KMT2A: variants seen among roughly 807,000 people sequenced by gnomAD.
KMT2A encodes the protein lysine methyltransferase 2A, also known as histone-lysine N-methyltransferase 2A.
KMT2A carries 16 observed loss-of-function variants against 345.3 expected under a neutral mutation model. That is an observed-to-expected ratio of 0.05 (90% CI 0.03 to 0.07). KMT2A has a LOEUF of 0.07. Ranked by LOEUF, KMT2A falls within the 10% of genes least tolerant of loss-of-function variation. The pLI, the probability that KMT2A is intolerant of heterozygous loss-of-function variation, is 1.00. For synonymous variants in KMT2A, 1,599 were observed against 1,778.6 expected (o/e 0.90, Z 2.54); for missense variants, 3,272 against 4,841.6 (o/e 0.68, Z 9.62).
intron 2 of KMT2A, among the ~76,000 whole-genome samples, chr11:118,470,503 G>A (rs1949925688): frequency 6.6e-6 from 1 of 152,122 alleles, no homozygotes; most frequent in African/African-American, 2.4e-5. Context: ...ATGAGACATG[G>A]TTTCTCTGCT....
intron 1 of KMT2A, among the ~76,000 whole-genome samples, chr11:118,441,390 A>G: frequency 6.6e-6 from 1 of 152,166 alleles, no homozygotes; most frequent in East Asian, 1.9e-4. Context: ...ACTTTGGGGA[A>G]GTTGACCAGT....
In KMT2A at chr11:118,526,574, TAGAGAAAAAG is replaced by T. The variant is rs1405938834; in HGVS notation, c.*4406_*4415del. The T allele has an allele frequency of 2.2e-4, 51 of 229,160 alleles. No individual in the cohort carries two copies. Among genetic ancestry groups the T allele is most frequent in the Non-Finnish European group, 4.1e-4 (48 of 116,412 alleles). The allele number at this position is 229,160 out of a possible 1,614,324, so 14.2% of individuals were successfully genotyped here. On this transcript the variant is annotated 3_prime_UTR_variant, in exon 36 of 36. Coordinates refer to ENST00000534358, the MANE Select transcript of KMT2A (RefSeq NM_001197104.2). ...CCTTGTGTTCTTCCAAGCTTCTGGT[TAGAGAAAAAG>T]AGAAAAAAAAAAAAGGAAAATGTGT...
intron 1 of KMT2A, among the ~76,000 whole-genome samples, chr11:118,446,231 C>CCCAG (rs1210805854): frequency 4.6e-5 from 7 of 152,040 alleles, no homozygotes. Context: ...CACCTGCAAT[C>CCCAG]CCAGCTACTT....
Position 118,493,191 on chromosome 11 carries a change from A to T in KMT2A, c.5139A>T (p.Gly1713=). 1.2e-6 allele frequency: 2 copies of T among 1,614,132 alleles called. No individual in the cohort carries two copies. Among genetic ancestry groups the T allele is most frequent in the Non-Finnish European group, 1.7e-6 (2 of 1,179,988 alleles). The change falls in exon 16 of 36, where the codon GGA becomes GGT. Residue 1713 remains glycine, a synonymous_variant. Coordinates refer to ENST00000534358, the MANE Select transcript of KMT2A (RefSeq NM_001197104.2). The surrounding 1 kb of genome is among the most constrained non-coding windows in gnomAD (Gnocchi z 5.8). ...QDDQQPLDLE[G]VKRKMDQGNY... ...ATCAGCAGCCTTTAGATCTAGAAGG[A>T]GTCAAGAGGAAGATGGACCAAGGGA...
At chr11:118,514,968 C>T (rs1188621035) in intron 31 of KMT2A, among the ~76,000 whole-genome samples, 2 of 151,708 alleles carry the variant, frequency 1.3e-5, no homozygotes, top group Non-Finnish European at 2.9e-5. Context: ...GGGGTTTCAC[C>T]GTGCTGGTCA....
intron 1 of KMT2A, among the ~76,000 whole-genome samples, chr11:118,461,343 T>C (rs1949739340): frequency 6.6e-6 from 1 of 152,156 alleles, no homozygotes; most frequent in South Asian, 2.1e-4. Context: ...CAGAAAGAAA[T>C]TCTACATGTT....
chr11:118,457,322 C>T (rs934389007), intron 1 of KMT2A, among the ~76,000 whole-genome samples: 1 of 127,352 alleles, frequency 7.9e-6, no homozygotes, highest in Non-Finnish European at 1.5e-5. Flanking sequence ...GGCTGGAGTG[C>T]AGTGGCATGA....
At chr11:118,509,511 G>A (rs548698736) in intron 29 of KMT2A, among the ~76,000 whole-genome samples, 2 of 152,084 alleles carry the variant, frequency 1.3e-5, no homozygotes, top group African/African-American at 4.8e-5. Flanking sequence ...CTTTTTAGTT[G>A]TTACTAAAGA....
Position 118,470,521 on chromosome 11 carries a change from A to C in KMT2A, c.503-1141A>C, listed in dbSNP as rs1316594922. 2.6e-5 allele frequency among the ~76,000 whole-genome samples: 4 copies of C among 152,078 alleles called. No individual in the cohort carries two copies. The East Asian group carries it at 7.7e-4, about 29-fold the overall frequency. On this transcript the variant is annotated intron_variant, in intron 2 of 35. Coordinates refer to ENST00000534358, the MANE Select transcript of KMT2A (RefSeq NM_001197104.2). ...AGACATGGTTTCTCTGCTGTCTCCTAGTTTATTACCTTTGTTGTAATTAGG... is the reference window on the plus strand; with the variant it reads ...AGACATGGTTTCTCTGCTGTCTCCTCGTTTATTACCTTTGTTGTAATTAGG...
intron 1 of KMT2A, among the ~76,000 whole-genome samples, chr11:118,439,925 CTT>C (rs782040203): frequency 3.1e-4 from 44 of 139,726 alleles, no homozygotes; most frequent in Non-Finnish European, 3.1e-4. Context: ...GAAGCAAGCA[CTT>C]TTTTTTTTTT....
rs1399423860 is a variant in KMT2A at position 118,524,894 on chromosome 11, C to T, written c.*2722C>T. 2 of 194,570 alleles carry T rather than the reference C, an allele frequency of 1.0e-5. No homozygotes were observed. Among genetic ancestry groups the T allele is most frequent in the Admixed American group, 6.1e-5 (1 of 16,322 alleles). 12.1% of individuals were successfully genotyped at this position (194,570 alleles called of 1,614,324 possible). On this transcript the variant is annotated 3_prime_UTR_variant, in exon 36 of 36. Coordinates refer to ENST00000534358, the MANE Select transcript of KMT2A (RefSeq NM_001197104.2). ...AGCCCCTCCTCACTCTCTACCAACC[C>T]TAAACCCTGAGGACAGGGGAGGAAC...
In KMT2A at chr11:118,521,505, TA is replaced by T. The variant is rs1950968277; in HGVS notation, c.11643+89del. On this transcript the variant is annotated intron_variant, in intron 35 of 35. Coordinates refer to ENST00000534358, the MANE Select transcript of KMT2A (RefSeq NM_001197104.2). The surrounding 1 kb of genome is among the most constrained non-coding windows in gnomAD (Gnocchi z 5.3). ...CCCCTGGATCACAAAAGAAATAGTG[TA>T]TGTTATCAATTCAGAGACCTTTCTT... 1.0e-5 allele frequency: 15 copies of T among 1,459,048 alleles called. No individual in the cohort carries two copies. The highest frequency in any genetic ancestry group is 1.4e-5 in the Non-Finnish European group (15 of 1,070,276). 90.4% of individuals were successfully genotyped at this position (1,459,048 alleles called of 1,614,324 possible).
rs1417426588 is a variant in KMT2A, at chr11:118,521,798, T to C, written c.11644-99T>C. On this transcript the variant is annotated intron_variant, in intron 35 of 35. Coordinates refer to ENST00000534358, the MANE Select transcript of KMT2A (RefSeq NM_001197104.2). This position sits in a 1 kb window ranked among gnomAD's most constrained non-coding sequence, Gnocchi z 5.3. Reference sequence around the variant, plus strand: ...GGAAATTTTACTAGAAGAAACTTTCTCAGCCGCTATAGGTAACATCAAGAG... The same window carrying C: ...GGAAATTTTACTAGAAGAAACTTTCCCAGCCGCTATAGGTAACATCAAGAG... The C allele has an allele frequency of 4.7e-6, 6 of 1,289,064 alleles. No individual in the cohort carries two copies. The highest frequency in any genetic ancestry group is 1.5e-5 in the African/African-American group (1 of 67,554). The allele number at this position is 1,289,064 out of a possible 1,614,324, so 79.9% of individuals were successfully genotyped here.
At chr11:118,509,872 T>C in intron 29 of KMT2A, 76 bp from the exon 30 acceptor site, 2 of 1,057,612 alleles carry the variant, frequency 1.9e-6, no homozygotes, top group Non-Finnish European at 2.7e-6. Context: ...AGATCATTTA[T>C]GTAAAGTACT....
rs1555046173 is a variant in KMT2A at position 118,502,722 on chromosome 11, G to A, written c.6830G>A (p.Gly2277Asp). ...TTGCAAAGGACAGTGGTTACTGTAG[G>A]CAATAAAAACAGTCACTTGGATGGA... ...SNLQRTVVTV[G>D]NKNSHLDGSS... The change falls in exon 27 of 36, where the codon GGC (glycine) becomes GAC (aspartate). Residue 2277 changes from glycine (G) to aspartate (D), a missense_variant. By Grantham distance (94) the Gly-to-Asp change is moderately conservative. Around this residue, in one of 27 missense-constraint regions of KMT2A, gnomAD observed 445 missense variants for 500.9 expected, o/e 0.89. Transcript: ENST00000534358. This position sits in a 1 kb window ranked among gnomAD's most constrained non-coding sequence, Gnocchi z 4.9. 3 of 1,613,984 alleles carry A rather than the reference G, an allele frequency of 1.9e-6. No homozygotes were observed. Among genetic ancestry groups the A allele is most frequent in the African/African-American group, 2.7e-5 (2 of 74,920 alleles).
intron 1 of KMT2A, chr11:118,449,676 A>T (rs1949493675): frequency 6.6e-6 from 1 of 151,970 alleles, no homozygotes; most frequent in African/African-American, 2.4e-5. Context: ...CACTTTTGTC[A>T]TCTAATTTTA....
intron 1 of KMT2A, among the ~76,000 whole-genome samples, chr11:118,439,755 G>C (rs1356956648): frequency 1.3e-5 from 2 of 152,150 alleles, no homozygotes; most frequent in Non-Finnish European, 2.9e-5. Context: ...GAGAAGAGTG[G>C]TTGACTCCTT....
chr11:118,492,689 AAAG>A (rs1435888078), intron 15 of KMT2A, among the ~76,000 whole-genome samples: 12 of 152,172 alleles, frequency 7.9e-5, no homozygotes, highest in African/African-American at 1.4e-4. Context: ...AAAACAAAAA[AAAG>A]AAGAAGAACC....
chr11:118,475,899 C>A (rs966995346), intron 3 of KMT2A, among the ~76,000 whole-genome samples: 2 of 151,942 alleles, frequency 1.3e-5, no homozygotes, highest in African/African-American at 2.4e-5. Context: ...TCTTTTGGAG[C>A]CTTTTATACT....
Sources: gnomAD v4.1 joint callset for allele counts (sites outside exome capture counted in the v4.1 genomes callset) on GRCh38, gnomAD v4.1.1 for gene constraint, gnomAD v4.1.1 regional missense constraint, Gnocchi (gnomAD v3.1) non-coding constraint, MANE v1.5 for transcripts, NCBI Gene and HGNC (gene_info 2026-07-23, HGNC 2026-07-21) for gene names.